RASA4: variants seen among roughly 807,000 people sequenced by gnomAD.
The protein encoded by RASA4 is ras GTPase-activating protein 4.
Under a neutral mutation model 24.0 loss-of-function variants are expected in RASA4, and 5 were observed. The observed-to-expected ratio is 0.21, with a 90% CI of 0.11 to 0.44. The LOEUF is 0.44. Among genes scored for constraint, RASA4 ranks in the 20% least tolerant of loss-of-function variants. The pLI is 0.99. For missense variants in RASA4, 38 were observed against 293.0 expected (o/e 0.13, Z 6.35); for synonymous variants, 9 against 132.7 (o/e 0.07, Z 6.41).
intron 5 of RASA4, among the ~76,000 whole-genome samples, 189 bp from the exon 6 acceptor site, chr7:102,602,594 G>A (rs1360833763): frequency 1.1e-4 from 6 of 55,118 alleles, no homozygotes; most frequent in African/African-American, 4.2e-4. Flanking sequence ...CCCCAGGATC[G>A]CCCATGTGGC....
At position 102,599,905 on chromosome 7, in the gene RASA4, C is replaced by T; in HGVS notation, c.692G>A (p.Trp231Ter). ...RLRVVQQEEGWFRLQPDQSKS... is the reference protein window; with the variant it reads ...RLRVVQQEEG ...GGACTGGTCGGGCTGCAGCCGGAAC[C>T]AGCCCTCCTCCTGCTGCACCACCCG... Residue 231 changes from tryptophan (W) to a stop codon, truncating the protein, a stop_gained, in exon 8 of 21, where the codon TGG (tryptophan) becomes TAG (stop). Coordinates refer to ENST00000262940, the MANE Select transcript of RASA4 (RefSeq NM_006989.6). LOFTEE classifies it high-confidence loss of function. 1 of 197,844 alleles carries T rather than the reference C, an allele frequency of 5.1e-6. No individual in the cohort carries two copies. The highest frequency in any genetic ancestry group is 8.9e-6 in the Non-Finnish European group (1 of 112,854). 12.3% of individuals were successfully genotyped at this position (197,844 alleles called of 1,614,324 possible). A position where few individuals can be genotyped will look rare whatever the true frequency, so the allele number is the denominator to read the frequency against.
At chr7:102,604,067 G>A (rs1380603342) in intron 5 of RASA4, among the ~76,000 whole-genome samples, 2 of 146,630 alleles carry the variant, frequency 1.4e-5, no homozygotes, top group African/African-American at 4.9e-5. Flanking sequence ...GGAAGGCTGA[G>A]GCAGGAGAAT....
At chr7:102,603,838 CAAAAAAA>C (rs148681177) in intron 5 of RASA4, among the ~76,000 whole-genome samples, 5 of 50,426 alleles carry the variant, frequency 9.9e-5, no homozygotes, top group Admixed American at 2.4e-4. Context: ...CAGACTGCCT[CAAAAAAA>C]AAAAAAAAAA....
intron 4 of RASA4, among the ~76,000 whole-genome samples, chr7:102,607,964 CATTT>C (rs1192428507): frequency 7.3e-6 from 1 of 136,650 alleles, no homozygotes. Context: ...ATTTTTTATT[CATTT>C]ATTTATTTAT....
chr7:102,613,786 C>T (rs1790953405), intron 1 of RASA4, among the ~76,000 whole-genome samples: 2 of 152,026 alleles, frequency 1.3e-5, no homozygotes, highest in South Asian at 4.2e-4. Context: ...TTGGGCCAGT[C>T]CCCAAGGCCA....
Position 102,580,411 on chromosome 7 carries a change from T to TTTTTTA in RASA4, c.*2359_*2360insTAAAAA, listed in dbSNP as rs1562789009. On this transcript the variant is annotated 3_prime_UTR_variant, in exon 21 of 21. Coordinates refer to ENST00000262940, the MANE Select transcript of RASA4 (RefSeq NM_006989.6). Reference sequence around the variant, plus strand: ...TTCCTTTTTTTTTTTTTTTTTTTTTTAATTTTAGGGACTAGGTTTTGCTAT... The same window carrying TTTTTTA: ...TTCCTTTTTTTTTTTTTTTTTTTTTTTTTTTAAATTTTAGGGACTAGGTTTTGCTAT... 3 of 77,018 alleles carry TTTTTTA rather than the reference T, an allele frequency of 3.9e-5. No homozygotes were observed. Among genetic ancestry groups the TTTTTTA allele is most frequent in the Non-Finnish European group, 6.4e-5 (2 of 31,152 alleles). The allele number at this position is 77,018 out of a possible 1,614,324, so 4.8% of individuals were successfully genotyped here. A position where few individuals can be genotyped will look rare whatever the true frequency, so the allele number is the denominator to read the frequency against.
At chr7:102,604,150 C>T (rs1189736872) in intron 5 of RASA4, among the ~76,000 whole-genome samples, 31 of 146,772 alleles carry the variant, frequency 2.1e-4, no homozygotes, top group Middle Eastern at 3.6e-3. Context: ...GATGATGGAG[C>T]GAGATTGTCT....
At chr7:102,599,746 T>A (rs1790367165) in intron 8 of RASA4, 114 bp downstream of exon 8, 1 of 178,702 alleles carries the variant, frequency 5.6e-6, no homozygotes, top group African/African-American at 2.8e-5. Flanking sequence ...TGGAGCTGTG[T>A]CTCCTGACCT....
intron 2 of RASA4, among the ~76,000 whole-genome samples, chr7:102,610,381 T>C (rs1175578189): frequency 1.8e-4 from 24 of 136,526 alleles, no homozygotes; most frequent in African/African-American, 5.6e-4. Context: ...GGCAGAACAG[T>C]AGGGCAGCTC....
At chr7:102,602,861 G>A (rs1278522654) in intron 5 of RASA4, among the ~76,000 whole-genome samples, 7 of 141,302 alleles carry the variant, frequency 5.0e-5, no homozygotes, top group Non-Finnish European at 7.7e-5. Flanking sequence ...CAGTAATGTC[G>A]CTCTACTTGG....
Position 102,593,687 on chromosome 7 carries a change from C to CAAGGTAG in RASA4, c.1515+19_1515+20insCTACCTT, listed in dbSNP as rs1790104758. The CAAGGTAG allele has an allele frequency of 3.6e-6, 1 of 279,542 alleles. No individual in the cohort carries two copies. The highest frequency in any genetic ancestry group is 7.6e-5 in the East Asian group (1 of 13,208). 17.3% of individuals were successfully genotyped at this position (279,542 alleles called of 1,614,324 possible). A position where few individuals can be genotyped will look rare whatever the true frequency, so the allele number is the denominator to read the frequency against. ...AGGACACCCAGCTGTGCATCCCGCC[C>CAAGGTAG]GTGGCCGCAAGGCCCGCACCTTGGC... On this transcript the variant is annotated intron_variant, in intron 14 of 20. Coordinates refer to ENST00000262940, the MANE Select transcript of RASA4 (RefSeq NM_006989.6).
chr7:102,581,325 A>C lies in RASA4; in HGVS notation c.*1446T>G. On this transcript the variant is annotated 3_prime_UTR_variant, in exon 21 of 21. Transcript: ENST00000262940. ...ACCCTGCCCCGGGGCGGCCCACAGTAGCAGCGGCTGGTGGTCCCTACAGCC... is the reference window on the plus strand; with the variant it reads ...ACCCTGCCCCGGGGCGGCCCACAGTCGCAGCGGCTGGTGGTCCCTACAGCC... 1 of 153,472 alleles carries C rather than the reference A, an allele frequency of 6.5e-6. No homozygotes were observed. Among genetic ancestry groups the C allele is most frequent in the East Asian group, 1.9e-4 (1 of 5,156 alleles). 9.5% of individuals were successfully genotyped at this position (153,472 alleles called of 1,614,324 possible).
At chr7:102,606,630 C>T (rs1351471309) in intron 4 of RASA4, among the ~76,000 whole-genome samples, 6 of 80,382 alleles carry the variant, frequency 7.5e-5, no homozygotes, top group South Asian at 3.6e-4. Flanking sequence ...TACAAGATTG[C>T]GCCATTGCAC....
chr7:102,603,802 C>T (rs1423318480), intron 5 of RASA4, among the ~76,000 whole-genome samples: 4 of 148,052 alleles, frequency 2.7e-5, no homozygotes, highest in South Asian at 4.3e-4. Context: ...GAAAACGCCA[C>T]TGCACTCCAG....
chr7:102,580,919 A>G lies in RASA4; in HGVS notation c.*1852T>C, dbSNP rs1789665205. 1 of 132,646 alleles carries G rather than the reference A, an allele frequency of 7.5e-6. No individual in the cohort carries two copies. The highest frequency in any genetic ancestry group is 7.9e-5 in the Admixed American group (1 of 12,712). The allele number at this position is 132,646 out of a possible 1,614,324, so 8.2% of individuals were successfully genotyped here. Reference sequence around the variant, plus strand: ...AATGTGATTTTAAACAACCTATTTGAGCTCTGAGGTAGATGTCTAAGTTCA... The same window carrying G: ...AATGTGATTTTAAACAACCTATTTGGGCTCTGAGGTAGATGTCTAAGTTCA... On this transcript the variant is annotated 3_prime_UTR_variant, in exon 21 of 21. Coordinates refer to ENST00000262940, the MANE Select transcript of RASA4 (RefSeq NM_006989.6).
intron 16 of RASA4, among the ~76,000 whole-genome samples, chr7:102,591,774 A>G (rs1223083590): frequency 1.2e-3 from 182 of 149,110 alleles, no homozygotes; most frequent in African/African-American, 4.3e-3. Context: ...CAGGACCCTT[A>G]GGGAGATCAT....
chr7:102,603,859 A>ACAC (rs1408947225), intron 5 of RASA4, among the ~76,000 whole-genome samples: 1 of 103,996 alleles, frequency 9.6e-6, no homozygotes. Context: ...AAAAAAAAAA[A>ACAC]ACCACCAAAA....
chr7:102,610,548 A>G (rs555694532), intron 2 of RASA4, among the ~76,000 whole-genome samples: 103 of 149,660 alleles, frequency 6.9e-4, no homozygotes, highest in African/African-American at 2.4e-3. Context: ...GGATATTACT[A>G]TGGGACTCTC....
rs1789685512 is a variant in RASA4, at chr7:102,581,244, C to T, written c.*1527G>A. 6.6e-6 allele frequency: 1 copy of T among 150,978 alleles called. No individual in the cohort carries two copies. Among genetic ancestry groups the T allele is most frequent in the African/African-American group, 2.4e-5 (1 of 41,420 alleles). 9.4% of individuals were successfully genotyped at this position (150,978 alleles called of 1,614,324 possible). ...GGGGGAGGAAGGAGGTTGGCTGAGC[C>T]AGGTCTGGGGGCCTCAGGGACTTCT... is the stretch of plus-strand genomic sequence containing the variant. On this transcript the variant is annotated 3_prime_UTR_variant, in exon 21 of 21. Transcript: ENST00000262940.
Sources: gnomAD v4.1 joint callset for allele counts (sites outside exome capture counted in the v4.1 genomes callset) on GRCh38, gnomAD v4.1.1 for gene constraint, MANE v1.5 for transcripts, NCBI Gene and HGNC (gene_info 2026-07-23, HGNC 2026-07-21) for gene names.